Variants in TAX1BP1 observed in about 807,000 individuals in gnomAD.
TAX1BP1 encodes tax1-binding protein 1.
In TAX1BP1, 62 loss-of-function variants were observed where a neutral mutation model predicts 97.7. The ratio of observed to expected loss-of-function variants is 0.63; its 90% CI spans 0.52 to 0.78. The LOEUF is 0.78. TAX1BP1 is among the 30% of genes least tolerant of loss of function. TAX1BP1 has a pLI of 0.00. For synonymous variants in TAX1BP1, 340 were observed against 304.2 expected, an observed-to-expected ratio of 1.12 and a Z score of -1.23; for missense variants, 867 against 916.1, an observed-to-expected ratio of 0.95 and a Z score of 0.69.
chr7:27,798,297 G>GT (rs530376843), intron 12 of TAX1BP1, among the ~76,000 whole-genome samples: 26 of 151,070 alleles, frequency 1.7e-4, no homozygotes, highest in South Asian at 1.3e-3. Flanking sequence ...ATGGACATAT[G>GT]TTTTTTTTTG....
In TAX1BP1 at chr7:27,794,354, C is replaced by A. The variant is rs775012539; in HGVS notation, c.1442C>A (p.Thr481Lys). 6.2e-7 allele frequency: 1 copy of A among 1,612,056 alleles called. No individual in the cohort carries two copies. Among genetic ancestry groups the A allele is most frequent in the Admixed American group, 1.7e-5 (1 of 59,832 alleles). Reference protein sequence around the residue: ...ANNNNVFTKKTGNQQKVNDAS... With the variant: ...ANNNNVFTKKKGNQQKVNDAS... ...AATAATAATGTCTTCACAAAGAAAA[C>A]GGGGAATCAGCAGAAAGTGAATGAT... Residue 481 changes from threonine to lysine, a missense_variant, in exon 11 of 17, where the codon ACG becomes AAG. By Grantham distance (78) the Thr-to-Lys change is moderately conservative. Around this residue, in one of 3 missense-constraint regions of TAX1BP1, gnomAD observed 822 missense variants for 851.4 expected, o/e 0.97. Coordinates refer to ENST00000396319, the MANE Select transcript of TAX1BP1 (RefSeq NM_006024.7).
chr7:27,792,321 A>T, intron 9 of TAX1BP1, 91 bp downstream of exon 9: 2 of 1,140,700 alleles, frequency 1.8e-6, no homozygotes, highest in African/African-American at 1.6e-5. Context: ...AAGACAGGTC[A>T]GATTTCTGCC....
At chr7:27,806,851 C>A (rs1764119319) in intron 13 of TAX1BP1, among the ~76,000 whole-genome samples, 1 of 152,112 alleles carries the variant, frequency 6.6e-6, no homozygotes, top group African/African-American at 2.4e-5. Context: ...GGATAACTAA[C>A]ATCTTGGTGA....
chr7:27,790,893 G>A (rs1300295143), intron 8 of TAX1BP1, among the ~76,000 whole-genome samples: 2 of 151,956 alleles, frequency 1.3e-5, no homozygotes, highest in Non-Finnish European at 2.9e-5. Context: ...AAGGTGAATG[G>A]CATTTGTTTT....
In TAX1BP1 at chr7:27,828,945, A is replaced by C; in HGVS notation, c.*116A>C. 1.3e-6 allele frequency: 1 copy of C among 755,790 alleles called. No individual in the cohort carries two copies. Among genetic ancestry groups the C allele is most frequent in the Non-Finnish European group, 2.0e-6 (1 of 488,932 alleles). 46.8% of individuals were successfully genotyped at this position (755,790 alleles called of 1,614,324 possible). A position where few individuals can be genotyped will look rare whatever the true frequency, so the allele number is the denominator to read the frequency against. On this transcript the variant is annotated 3_prime_UTR_variant, in exon 17 of 17. Coordinates refer to ENST00000396319, the MANE Select transcript of TAX1BP1 (RefSeq NM_006024.7). The stretch of plus-strand genomic sequence containing the variant: ...GATGCTTTCATGCACCCTTTACTGC[A>C]CTTTCTGACCAGGAGCTACTTTGAG...
chr7:27,808,694 G>GA (rs940711406), intron 13 of TAX1BP1, among the ~76,000 whole-genome samples: 1 of 152,012 alleles, frequency 6.6e-6, no homozygotes, highest in African/African-American at 2.4e-5. Flanking sequence ...GGGTACCGAA[G>GA]AAAAAAAGTA....
rs961113410 is a variant in TAX1BP1 at position 27,816,951 on chromosome 7, T to C, written c.1998T>C (p.Ser666=). Residue 666 remains serine, a synonymous_variant, in exon 15 of 17, where the codon TCT becomes TCC. Transcript: ENST00000396319. ...EIQRPPVRVP[S]WGLEDNVVCS... ...AAAGGCCACCTGTCAGAGTCCCCTC[T>C]TGGGGACTGGAAGACAATGTTGTCT... 8 of 1,613,908 alleles carry C rather than the reference T, an allele frequency of 5.0e-6. No homozygotes were observed. Among genetic ancestry groups the C allele is most frequent in the East Asian group, 4.5e-5 (2 of 44,894 alleles).
intron 3 of TAX1BP1, among the ~76,000 whole-genome samples, chr7:27,760,626 C>T (rs556416732): frequency 2.6e-5 from 4 of 151,770 alleles, no homozygotes; most frequent in Admixed American, 2.6e-4. Flanking sequence ...GATCTCCTGA[C>T]CTTGTGATCC....
intron 13 of TAX1BP1, among the ~76,000 whole-genome samples, chr7:27,810,660 A>G (rs1790523438): frequency 1.3e-5 from 2 of 152,048 alleles, no homozygotes; most frequent in African/African-American, 4.8e-5. Context: ...TTTCAGCTAT[A>G]TCTCCTGCCT....
At chr7:27,765,732 A>T in intron 3 of TAX1BP1, 102 bp from the exon 4 acceptor site, 1 of 1,009,752 alleles carries the variant, frequency 9.9e-7, no homozygotes, top group Non-Finnish European at 1.5e-6. Flanking sequence ...ATTCTTGTCA[A>T]GAACAGTGTG....
chr7:27,816,889 G>A lies in TAX1BP1; in HGVS notation c.1937-1G>A, dbSNP rs1790787461. 1 of 1,613,544 alleles carries A rather than the reference G, an allele frequency of 6.2e-7. No individual in the cohort carries two copies. Among genetic ancestry groups the A allele is most frequent in the Admixed American group, 1.7e-5 (1 of 59,810 alleles). ...CTACCTTTCCAAAAATTTTATTACA[G>A]ATGGAGCAGATGGTGCTTTTTACCC... On this transcript the variant is annotated splice_acceptor_variant, in intron 14 of 16. Coordinates refer to ENST00000396319, the MANE Select transcript of TAX1BP1 (RefSeq NM_006024.7). LOFTEE classifies it high-confidence loss of function.
At chr7:27,800,226 A>C in intron 13 of TAX1BP1, 136 bp downstream of exon 13, 179 of 840,734 alleles carry the variant, frequency 2.1e-4, no homozygotes, top group Non-Finnish European at 1.7e-6. Context: ...AATGTACTAT[A>C]TATTTAGTTA....
chr7:27,788,643 T>C (rs1403149033), intron 8 of TAX1BP1, among the ~76,000 whole-genome samples: 3 of 152,072 alleles, frequency 2.0e-5, no homozygotes, highest in African/African-American at 4.8e-5. Context: ...TAATCATCAT[T>C]ATTCTTTTTC....
At chr7:27,787,986 C>T (rs62451068) in intron 8 of TAX1BP1, among the ~76,000 whole-genome samples, 15,150 of 152,054 alleles carry the variant, frequency 0.1, 819 homozygotes, top group South Asian at 0.12. Context: ...CACATTGCCC[C>T]AAATGTATTC....
chr7:27,781,291 A>G (rs1789245371), intron 5 of TAX1BP1, among the ~76,000 whole-genome samples: 1 of 152,176 alleles, frequency 6.6e-6, no homozygotes, highest in South Asian at 2.1e-4. Flanking sequence ...GTTCTTAGAA[A>G]TGTGTTGTTA....
chr7:27,767,319 T>A (rs572969744), intron 4 of TAX1BP1, among the ~76,000 whole-genome samples: 2 of 152,272 alleles, frequency 1.3e-5, no homozygotes, highest in East Asian at 3.9e-4. Flanking sequence ...TTTTTTAACA[T>A]GTAAATATTT....
intron 3 of TAX1BP1, 87 bp from the exon 4 acceptor site, chr7:27,765,747 A>C: frequency 1.7e-6 from 2 of 1,154,334 alleles, no homozygotes; most frequent in Non-Finnish European, 2.5e-6. Context: ...AGTGTGGGGA[A>C]TGAGACATGG....
chr7:27,744,655 C>T (rs980607574), intron 1 of TAX1BP1, among the ~76,000 whole-genome samples: 1 of 152,026 alleles, frequency 6.6e-6, no homozygotes, highest in Admixed American at 6.6e-5. Flanking sequence ...CATTTTTGGG[C>T]TAAAGTAAAA....
In TAX1BP1 at chr7:27,827,759, G is replaced by T. The variant is rs1454860411; in HGVS notation, c.2107G>T (p.Ala703Ser). The T allele has an allele frequency of 4.3e-6, 7 of 1,613,650 alleles. No individual in the cohort carries two copies. The highest frequency in any genetic ancestry group is 5.9e-6 in the Non-Finnish European group (7 of 1,179,796). Residue 703 changes from alanine (A) to serine (S), a missense_variant, in exon 16 of 17, where the codon GCT (alanine) becomes TCT (serine). Around this residue, in one of 3 missense-constraint regions of TAX1BP1, gnomAD observed 822 missense variants for 851.4 expected, o/e 0.97. Coordinates refer to ENST00000396319, the MANE Select transcript of TAX1BP1 (RefSeq NM_006024.7). The part of the protein sequence containing the change: ...DSKEDENVPT[A>S]PDPPSQHLRG... ...CTAGGAAGATGAGAATGTGCCTACT[G>T]CTCCTGATCCTCCAAGTCAACATTT...
Sources: allele counts gnomAD v4.1 joint callset (sites outside exome capture counted in the v4.1 genomes callset), GRCh38; gene constraint gnomAD v4.1.1; regional missense constraint gnomAD v4.1.1; transcripts MANE v1.5; gene names NCBI Gene and HGNC (gene_info 2026-07-23, HGNC 2026-07-21).